Variants in EIF3J observed in about 807,000 individuals in gnomAD.
EIF3J encodes eukaryotic translation initiation factor 3, subunit 1 (alpha, 35kD).
Under a neutral mutation model 39.0 loss-of-function variants are expected in EIF3J, and 15 were observed. The ratio of observed to expected loss-of-function variants is 0.38; its 90% confidence interval spans 0.26 to 0.59. The LOEUF is 0.59. Ranked by LOEUF, EIF3J falls within the 20% of genes least tolerant of loss-of-function variation. The probability of loss-of-function intolerance (pLI) is 0.60; values close to 1 mark genes in which losing one functional copy is unlikely to be tolerated. For missense variants in EIF3J, 226 were observed against 308.6 expected (o/e 0.73, Z 2.00); for synonymous variants, 98 against 112.9 (o/e 0.87, Z 0.84).
At chr15:44,542,134 G>T (rs919936669) in intron 2 of EIF3J, among the ~76,000 whole-genome samples, 3 of 152,160 alleles carry the variant, frequency 2.0e-5, no homozygotes, top group South Asian at 2.1e-4. Context: ...AAAGCTTAAT[G>T]AATTGAATTA....
rs182043061 is a variant in EIF3J at position 44,562,482 on chromosome 15, G to T, written c.*1333G>T. The stretch of plus-strand genomic sequence containing the variant: ...TTTTTTTATTCCCCTAAGACAGAAA[G>T]AACAAAAAATGTTTTAAATTTCTCT... On this transcript the variant is annotated 3_prime_UTR_variant, in exon 8 of 8. Coordinates refer to ENST00000261868, the MANE Select transcript of EIF3J (RefSeq NM_003758.4). 2.0e-5 allele frequency: 3 copies of T among 152,582 alleles called. No homozygotes were observed. The highest frequency in any genetic ancestry group is 2.0e-4 in the Admixed American group (3 of 15,286). The allele number at this position is 152,582 out of a possible 1,614,324, so 9.5% of individuals were successfully genotyped here.
chr15:44,551,674 G>A, intron 4 of EIF3J, 152 bp downstream of exon 4: 1 of 595,332 alleles, frequency 1.7e-6, no homozygotes, highest in Non-Finnish European at 2.8e-6. Context: ...ATTGATTTGT[G>A]GTTTTTGCAA....
At chr15:44,549,115 T>C (rs2082077174) in intron 2 of EIF3J, among the ~76,000 whole-genome samples, 2 of 152,114 alleles carry the variant, frequency 1.3e-5, no homozygotes, top group African/African-American at 2.4e-5. Flanking sequence ...ACTTTCTGGC[T>C]GGGCGAAGTG....
At chr15:44,537,708 C>A (rs2081971743) in intron 2 of EIF3J, among the ~76,000 whole-genome samples, 1 of 152,214 alleles carries the variant, frequency 6.6e-6, no homozygotes, top group Non-Finnish European at 1.5e-5. Context: ...GGTCGGCCCA[C>A]GTGCAAGCTT....
At chr15:44,544,708 A>AT in intron 2 of EIF3J, among the ~76,000 whole-genome samples, 1 of 147,138 alleles carries the variant, frequency 6.8e-6, no homozygotes, top group Middle Eastern at 3.5e-3. Context: ...CCATTTAAAA[A>AT]AAAAAAAAAA....
chr15:44,539,763 T>C (rs1274726074), intron 2 of EIF3J, among the ~76,000 whole-genome samples: 2 of 144,384 alleles, frequency 1.4e-5, no homozygotes, highest in African/African-American at 5.1e-5. Flanking sequence ...CTTAAAGCAA[T>C]CTATCTATTC....
chr15:44,543,804 G>A (rs1442380261), intron 2 of EIF3J, among the ~76,000 whole-genome samples: 2 of 152,132 alleles, frequency 1.3e-5, no homozygotes, highest in Non-Finnish European at 2.9e-5. Context: ...TGTGTCTGGG[G>A]TAAGGTTTAT....
At chr15:44,550,368 T>G (rs2082089037) in intron 2 of EIF3J, among the ~76,000 whole-genome samples, 1 of 152,182 alleles carries the variant, frequency 6.6e-6, no homozygotes, top group Admixed American at 6.5e-5. Flanking sequence ...CATAGCTCAC[T>G]GCAGCCTTAA....
At chr15:44,560,182 T>C (rs535885755) in intron 6 of EIF3J, 67 bp from the exon 7 acceptor site, 3 of 1,296,486 alleles carry the variant, frequency 2.3e-6, no homozygotes, top group African/African-American at 3.0e-5. Context: ...GGAATGTACA[T>C]ATTTAGCTTT....
intron 2 of EIF3J, among the ~76,000 whole-genome samples, chr15:44,542,261 C>G (rs1353596408): frequency 6.6e-6 from 1 of 152,154 alleles, no homozygotes; most frequent in East Asian, 1.9e-4. Context: ...GAAGTCTACC[C>G]TTGCCAAGAT....
chr15:44,546,540 G>A (rs1195651997), intron 2 of EIF3J, among the ~76,000 whole-genome samples: 17 of 152,164 alleles, frequency 1.1e-4, no homozygotes, highest in Admixed American at 1.1e-3. Flanking sequence ...AGTCATACTA[G>A]TCAGCCTTTG....
chr15:44,560,170 A>G, intron 6 of EIF3J, 79 bp from the exon 7 acceptor site: 3 of 1,121,326 alleles, frequency 2.7e-6, no homozygotes, highest in Non-Finnish European at 3.8e-6. Context: ...ATAGATATAT[A>G]TGGAATGTAC....
chr15:44,560,972 C>T, intron 7 of EIF3J, 46 bp from the exon 8 acceptor site: 1 of 1,600,808 alleles, frequency 6.2e-7, no homozygotes, highest in Non-Finnish European at 8.5e-7. Context: ...AGATAAGATG[C>T]CCATAGCACA....
At chr15:44,547,861 CT>C (rs1244622575) in intron 2 of EIF3J, among the ~76,000 whole-genome samples, 1 of 152,120 alleles carries the variant, frequency 6.6e-6, no homozygotes, top group Non-Finnish European at 1.5e-5. Context: ...GTATAGGATG[CT>C]TTTTACATTT....
chr15:44,560,923 A>G, intron 7 of EIF3J, 95 bp from the exon 8 acceptor site: 1 of 1,507,232 alleles, frequency 6.6e-7, no homozygotes, highest in Non-Finnish European at 8.9e-7. Context: ...TTCTGGGACC[A>G]AAGGTTTTTG....
At position 44,554,685 on chromosome 15, in the gene EIF3J, T is replaced by C. The variant is rs759509856; in HGVS notation, c.409+18T>C. Reference sequence around the variant, plus strand: ...AACTTTTGGTAAGACGGGATTATGATTGCAATACAGTATTAAACTGTTACA... The same window carrying C: ...AACTTTTGGTAAGACGGGATTATGACTGCAATACAGTATTAAACTGTTACA... On this transcript the variant is annotated intron_variant, in intron 5 of 7. Coordinates refer to ENST00000261868, the MANE Select transcript of EIF3J (RefSeq NM_003758.4). 3.2e-6 allele frequency: 5 copies of C among 1,540,226 alleles called. No homozygotes were observed. In the African/African-American group the frequency reaches 4.1e-5, roughly 13 times the overall value.
intron 2 of EIF3J, among the ~76,000 whole-genome samples, chr15:44,543,086 A>G (rs945022992): frequency 4.6e-5 from 7 of 152,168 alleles, no homozygotes; most frequent in African/African-American, 1.7e-4. Context: ...AATTGGGCAT[A>G]TTTTTTGAAG....
chr15:44,541,741 AAG>A (rs2082016128), intron 2 of EIF3J, among the ~76,000 whole-genome samples: 2 of 152,254 alleles, frequency 1.3e-5, no homozygotes, highest in African/African-American at 2.4e-5. Flanking sequence ...GGGTATTTTG[AAG>A]AGAGTGTGTG....
chr15:44,551,351 G>C, intron 3 of EIF3J, 80 bp from the exon 4 acceptor site: 1 of 907,474 alleles, frequency 1.1e-6, no homozygotes, highest in African/African-American at 1.7e-5. Context: ...TCTCTTAATA[G>C]TATACAAGTA....
Sources: gnomAD v4.1 joint callset for allele counts (sites outside exome capture counted in the v4.1 genomes callset) on GRCh38, gnomAD v4.1.1 for gene constraint, MANE v1.5 for transcripts, NCBI Gene and HGNC (gene_info 2026-07-23, HGNC 2026-07-21) for gene names.